ADAMTSL1: variants seen among roughly 807,000 people sequenced by gnomAD.
The protein encoded by ADAMTSL1 is ADAMTS like 1, also known as ADAMTS-like protein 1.
ADAMTSL1 carries 126 observed loss-of-function variants against 201.8 expected under a neutral mutation model. The ratio of observed to expected loss-of-function variants is 0.62; its 90% CI spans 0.54 to 0.72. The LOEUF (loss-of-function observed/expected upper bound fraction) is 0.72, where lower values mean the gene tolerates loss of function less well. Among genes scored for constraint, ADAMTSL1 ranks in the 30% least tolerant of loss-of-function variants. ADAMTSL1 has a pLI of 0.00. For missense variants in ADAMTSL1, 2,679 were observed against 2,277.8 expected (o/e 1.18, Z -3.59); for synonymous variants, 1,121 against 903.4 (o/e 1.24, Z -4.32).
At chr9:18,270,812 G>A (rs1394843087) in intron 2 of ADAMTSL1, among the ~76,000 whole-genome samples, 1 of 152,158 alleles carries the variant, frequency 6.6e-6, no homozygotes. Context: ...GCCATTAGCT[G>A]GTTCTACCCA....
intron 1 of ADAMTSL1, among the ~76,000 whole-genome samples, chr9:18,006,964 C>T (rs536210500): frequency 2.3e-4 from 35 of 151,988 alleles, no homozygotes; most frequent in Non-Finnish European, 4.0e-4. Context: ...TATGCTCTTA[C>T]GTATTTGGAT....
chr9:18,146,442 T>A (rs973170260), intron 1 of ADAMTSL1, among the ~76,000 whole-genome samples: 1 of 152,108 alleles, frequency 6.6e-6, no homozygotes, highest in Non-Finnish European at 1.5e-5. Flanking sequence ...GAAATACATA[T>A]TGCCGAGAAA....
Position 18,777,066 on chromosome 9 carries a change from C to T in ADAMTSL1, c.2837C>T (p.Thr946Ile). 1 of 1,613,376 alleles carries T rather than the reference C, an allele frequency of 6.2e-7. No individual in the cohort carries two copies. The change falls in exon 19 of 29, where the codon ACC becomes ATC. Residue 946 changes from threonine to isoleucine, a missense_variant. Thr to Ile is a moderately conservative substitution (Grantham distance 89). Coordinates refer to ENST00000380548, the MANE Select transcript of ADAMTSL1 (RefSeq NM_001040272.6). ...AAGCCCTCGGATGCAGGCGTCTACA[C>T]CTGCTCAGCGGGCCCGGCCCGGGAG... ...RLKPSDAGVYTCSAGPAREHF... is the reference protein window; with the variant it reads ...RLKPSDAGVYICSAGPAREHF...
chr9:18,627,864 G>A (rs1826492496), intron 5 of ADAMTSL1, among the ~76,000 whole-genome samples: 2 of 152,160 alleles, frequency 1.3e-5, no homozygotes, highest in African/African-American at 2.4e-5. Context: ...GGATACATTA[G>A]TCTACTTACC....
chr9:18,317,241 T>G (rs528249092), intron 2 of ADAMTSL1, among the ~76,000 whole-genome samples: 19 of 152,118 alleles, frequency 1.2e-4, no homozygotes, highest in African/African-American at 4.6e-4. Context: ...GAGGAAGGGA[T>G]GAGGAAAAGG....
intron 2 of ADAMTSL1, among the ~76,000 whole-genome samples, chr9:18,514,478 C>T (rs944297902): frequency 5.9e-5 from 9 of 151,788 alleles, no homozygotes; most frequent in African/African-American, 1.7e-4. Context: ...TACAGGCACC[C>T]GCCACCATGC....
At chr9:18,290,793 T>TTTTTTTTG (rs1563862976) in intron 2 of ADAMTSL1, among the ~76,000 whole-genome samples, 4 of 150,406 alleles carry the variant, frequency 2.7e-5, no homozygotes, top group African/African-American at 9.9e-5. Context: ...TTTTTTTTTT[T>TTTTTTTTG]TTTTTTGAGG....
chr9:18,909,680 G>A lies in ADAMTSL1; in HGVS notation c.*1132G>A, dbSNP rs1021184123. The A allele has an allele frequency of 6.6e-6, 1 of 152,348 alleles. No homozygotes were observed. Among genetic ancestry groups the A allele is most frequent in the African/African-American group, 2.4e-5 (1 of 41,452 alleles). The allele number at this position is 152,348 out of a possible 1,614,324, so 9.4% of individuals were successfully genotyped here. Reference sequence around the variant, plus strand: ...AGAGTATCTGTCAGGCTGTCAGGTTGTAGCAACCTCTTCATTCCAGAGCTG... The same window carrying A: ...AGAGTATCTGTCAGGCTGTCAGGTTATAGCAACCTCTTCATTCCAGAGCTG... On this transcript the variant is annotated 3_prime_UTR_variant, in exon 29 of 29. Transcript: ENST00000380548.
At chr9:18,688,452 A>G (rs1424088604) in intron 13 of ADAMTSL1, among the ~76,000 whole-genome samples, 1 of 150,438 alleles carries the variant, frequency 6.6e-6, no homozygotes, top group Non-Finnish European at 1.5e-5. Flanking sequence ...GGTATGTACA[A>G]CATGAGGAAT....
At chr9:18,597,153 T>C (rs1382876008) in intron 4 of ADAMTSL1, among the ~76,000 whole-genome samples, 1 of 152,240 alleles carries the variant, frequency 6.6e-6, no homozygotes, top group Non-Finnish European at 1.5e-5. Flanking sequence ...GCTATTTTTG[T>C]CTCTTGATGA....
intron 20 of ADAMTSL1, among the ~76,000 whole-genome samples, chr9:18,816,478 C>T (rs1041176722): frequency 1.3e-5 from 2 of 152,096 alleles, no homozygotes; most frequent in Non-Finnish European, 2.9e-5. Context: ...CTCAAGTGAT[C>T]GACCCACCTC....
intron 2 of ADAMTSL1, among the ~76,000 whole-genome samples, chr9:18,313,866 G>A (rs1032422493): frequency 6.6e-6 from 1 of 152,122 alleles, no homozygotes; most frequent in Non-Finnish European, 1.5e-5. Flanking sequence ...CTTCTGCACA[G>A]CAAACAGTCA....
At chr9:18,356,582 G>T (rs1033710666) in intron 2 of ADAMTSL1, among the ~76,000 whole-genome samples, 1 of 129,024 alleles carries the variant, frequency 7.8e-6, no homozygotes, top group Non-Finnish European at 1.6e-5. Flanking sequence ...AAAATTTTAT[G>T]CAGCTACTCA....
At chr9:17,981,916 C>A (rs1400225567) in intron 1 of ADAMTSL1, among the ~76,000 whole-genome samples, 1 of 152,150 alleles carries the variant, frequency 6.6e-6, no homozygotes, top group Non-Finnish European at 1.5e-5. Flanking sequence ...GACTCCCCAC[C>A]ATGGTTGGAC....
intron 3 of ADAMTSL1, among the ~76,000 whole-genome samples, chr9:18,537,895 AAG>A (rs1819882559): frequency 7.1e-6 from 1 of 140,778 alleles, no homozygotes; most frequent in African/African-American, 2.9e-5. Context: ...AAAAAAAAAG[AAG>A]AAAGAAGAAG....
intron 2 of ADAMTSL1, among the ~76,000 whole-genome samples, chr9:18,209,704 C>T (rs78749581): frequency 6.6e-6 from 1 of 152,142 alleles, no homozygotes; most frequent in Non-Finnish European, 1.5e-5. Context: ...TTCATGTAAA[C>T]ACACCTCCAA....
chr9:18,057,312 T>C (rs1421665969), intron 1 of ADAMTSL1, among the ~76,000 whole-genome samples: 1 of 152,244 alleles, frequency 6.6e-6, no homozygotes, highest in Non-Finnish European at 1.5e-5. Context: ...TAGACAATTA[T>C]TTCCCTATCT....
At chr9:18,303,165 G>A (rs1833770278) in intron 2 of ADAMTSL1, among the ~76,000 whole-genome samples, 1 of 152,188 alleles carries the variant, frequency 6.6e-6, no homozygotes, top group Admixed American at 6.5e-5. Context: ...TGAATACCAG[G>A]TTTGACATTT....
Position 18,513,937 on chromosome 9 carries a change from G to C in ADAMTSL1, c.191+8981G>C, listed in dbSNP as rs1386645568. On this transcript the variant is annotated intron_variant, in intron 2 of 28. Transcript: ENST00000380548. The stretch of plus-strand genomic sequence containing the variant: ...GAAATCAGGAACTGTGATGCCTTCA[G>C]CTTTGTTCTCTCTCAATATTGTTCT... Among the ~76,000 whole-genome samples the C allele has an allele frequency of 2.6e-5, 4 of 152,262 alleles. No individual in the cohort carries two copies. In the East Asian group the frequency reaches 7.7e-4, roughly 29 times the overall value.
Sources: allele counts gnomAD v4.1 joint callset (sites outside exome capture counted in the v4.1 genomes callset), GRCh38; gene constraint gnomAD v4.1.1; transcripts MANE v1.5; gene names NCBI Gene and HGNC (gene_info 2026-07-23, HGNC 2026-07-21).